Variants in LRRC72 observed in about 807,000 individuals in gnomAD.
The protein encoded by LRRC72 is leucine rich repeat containing 72.
LRRC72 carries 41 observed loss-of-function variants against 35.8 expected under a neutral mutation model. The ratio of observed to expected loss-of-function variants is 1.15; its 90% confidence interval spans 0.89 to 1.49. LRRC72 has a LOEUF of 1.49. Among genes scored for constraint, LRRC72 ranks in the 40% most tolerant of loss-of-function variants. The probability of loss-of-function intolerance (pLI) is 0.00; values close to 1 mark genes in which losing one functional copy is unlikely to be tolerated. For synonymous variants in LRRC72, 118 were observed against 119.2 expected, an observed-to-expected ratio of 0.99 and a Z score of 0.07; for missense variants, 389 against 330.7, an observed-to-expected ratio of 1.18 and a Z score of -1.37.
In LRRC72 at chr7:16,557,351, C is replaced by T. The variant is rs948834748; in HGVS notation, c.235-9C>T. The T allele has an allele frequency of 2.8e-5, 33 of 1,180,546 alleles. No homozygotes were observed. The African/African-American group carries it at 4.6e-4, about 17-fold the overall frequency. 73.1% of individuals were successfully genotyped at this position (1,180,546 alleles called of 1,614,324 possible). On this transcript the variant is annotated splice_polypyrimidine_tract_variant and intron_variant, in intron 3 of 8. Transcript: ENST00000401542. The stretch of plus-strand genomic sequence containing the variant: ...AGAAAGTATATTGTTCTCTAACTCT[C>T]ATTTTTAGCTCCATGGAATAACATT...
chr7:16,579,554 T>G (rs767079497), intron 7 of LRRC72, among the ~76,000 whole-genome samples: 2 of 152,052 alleles, frequency 1.3e-5, no homozygotes, highest in Non-Finnish European at 2.9e-5. Flanking sequence ...TGAGGACTAG[T>G]CTTGGAGCTT....
intron 5 of LRRC72, among the ~76,000 whole-genome samples, chr7:16,564,360 C>G (rs1782791226): frequency 6.6e-6 from 1 of 151,900 alleles, no homozygotes; most frequent in African/African-American, 2.4e-5. Context: ...CTGGCTCGAA[C>G]TACAATTCAT....
At chr7:16,576,321 G>A (rs904662519) in intron 7 of LRRC72, among the ~76,000 whole-genome samples, 3 of 152,018 alleles carry the variant, frequency 2.0e-5, no homozygotes, top group Non-Finnish European at 4.4e-5. Flanking sequence ...ACCTTATGGT[G>A]ACATTCTAAA....
chr7:16,558,136 A>G (rs1056224122), intron 4 of LRRC72, among the ~76,000 whole-genome samples: 1 of 152,206 alleles, frequency 6.6e-6, no homozygotes, highest in African/African-American at 2.4e-5. Flanking sequence ...GCTTCCAGTT[A>G]TGTACAGAAA....
At chr7:16,546,300 C>G (rs1191084304) in intron 3 of LRRC72, among the ~76,000 whole-genome samples, 1 of 151,680 alleles carries the variant, frequency 6.6e-6, no homozygotes, top group African/African-American at 2.4e-5. Flanking sequence ...GGGACTTTGC[C>G]CCTACGGTTT....
At chr7:16,547,179 G>A (rs769009935) in intron 3 of LRRC72, among the ~76,000 whole-genome samples, 8 of 152,166 alleles carry the variant, frequency 5.3e-5, no homozygotes, top group South Asian at 4.1e-4. Context: ...CCAGGAAAAC[G>A]TGGAGGGGAG....
intron 7 of LRRC72, among the ~76,000 whole-genome samples, chr7:16,573,799 A>C (rs929361526): frequency 6.6e-6 from 1 of 152,266 alleles, no homozygotes; most frequent in African/African-American, 2.4e-5. Flanking sequence ...CAATATTGAC[A>C]AATGGGATCT....
intron 5 of LRRC72, among the ~76,000 whole-genome samples, chr7:16,559,932 C>A (rs779592246): frequency 6.6e-6 from 1 of 151,040 alleles, no homozygotes; most frequent in African/African-American, 2.4e-5. Flanking sequence ...GGAGGCCCAG[C>A]AAACTTTATT....
intron 5 of LRRC72, among the ~76,000 whole-genome samples, chr7:16,564,799 A>G (rs1782799966): frequency 6.8e-6 from 1 of 147,014 alleles, no homozygotes; most frequent in African/African-American, 2.5e-5. Context: ...GAAAACATCC[A>G]GATGATTGAT....
At chr7:16,540,986 C>A (rs1352077075) in intron 3 of LRRC72, among the ~76,000 whole-genome samples, 1 of 152,114 alleles carries the variant, frequency 6.6e-6, no homozygotes, top group Non-Finnish European at 1.5e-5. Context: ...GCCACCATGC[C>A]CCCAAATGAG....
At chr7:16,531,033 C>T (rs1782152147) in intron 1 of LRRC72, among the ~76,000 whole-genome samples, 1 of 151,858 alleles carries the variant, frequency 6.6e-6, no homozygotes. Context: ...CCCATCTCTA[C>T]AAAAAATTAT....
intron 3 of LRRC72, among the ~76,000 whole-genome samples, chr7:16,550,005 G>A (rs1412633405): frequency 6.6e-6 from 1 of 152,122 alleles, no homozygotes; most frequent in African/African-American, 2.4e-5. Flanking sequence ...GGTTGCTTGA[G>A]TCCAGGAGTT....
intron 3 of LRRC72, among the ~76,000 whole-genome samples, chr7:16,539,916 G>A (rs936100260): frequency 5.3e-5 from 8 of 152,226 alleles, no homozygotes; most frequent in South Asian, 2.1e-4. Flanking sequence ...CTGCAAGGGT[G>A]GAGCTCTTAT....
intron 3 of LRRC72, among the ~76,000 whole-genome samples, chr7:16,555,782 A>G (rs925357203): frequency 6.6e-6 from 1 of 152,210 alleles, no homozygotes; most frequent in African/African-American, 2.4e-5. Context: ...CTCAAAAAAA[A>G]AAAATTAATA....
intron 7 of LRRC72, among the ~76,000 whole-genome samples, chr7:16,572,202 T>C (rs575723197): frequency 6.6e-6 from 1 of 152,300 alleles, no homozygotes; most frequent in Admixed American, 6.5e-5. Context: ...ACCAGATGTA[T>C]TCACAGCTGA....
intron 1 of LRRC72, 112 bp from the exon 2 acceptor site, chr7:16,532,383 C>T (rs2301965): frequency 0.11 from 78,037 of 710,246 alleles, 5,169 homozygotes; most frequent in East Asian, 0.22. Context: ...TGGTTACCTC[C>T]ATATTCACCT....
chr7:16,578,138 T>C (rs1217111075), intron 7 of LRRC72, among the ~76,000 whole-genome samples: 4 of 152,222 alleles, frequency 2.6e-5, no homozygotes, highest in African/African-American at 7.2e-5. Context: ...TGGTCATTCA[T>C]AGGAGAATGT....
intron 6 of LRRC72, 102 bp downstream of exon 6, chr7:16,566,504 AT>A (rs1782847723): frequency 1.7e-6 from 1 of 600,096 alleles, no homozygotes; most frequent in African/African-American, 1.9e-5. Context: ...TTTGTAAAAA[AT>A]ATATCTTTGA....
In LRRC72 at chr7:16,557,568, AT is replaced by A. The variant is rs575150948; in HGVS notation, c.316+133del. On this transcript the variant is annotated intron_variant, in intron 4 of 8. Transcript: ENST00000401542. ...CTGTTGAAAATATATTAAGAAATGT[AT>A]TTTTTAAATGTTTTAATGTACATTT... is the stretch of plus-strand genomic sequence containing the variant. The A allele has an allele frequency of 1.8e-3, 612 of 344,048 alleles. 4 individuals carry two copies. Among genetic ancestry groups the A allele is most frequent in the African/African-American group, 0.012 (568 of 47,052 alleles). 21.3% of individuals were successfully genotyped at this position (344,048 alleles called of 1,614,324 possible).
Sources: allele counts gnomAD v4.1 joint callset (sites outside exome capture counted in the v4.1 genomes callset), GRCh38; gene constraint gnomAD v4.1.1; transcripts MANE v1.5; gene names NCBI Gene and HGNC (gene_info 2026-07-23, HGNC 2026-07-21).